Variants in OPRM1 observed in about 807,000 individuals in gnomAD.
OPRM1 encodes mu-type opioid receptor.
A neutral mutation model predicts 31.8 loss-of-function variants in OPRM1; 27 were observed. The ratio of observed to expected loss-of-function variants is 0.85; its 90% CI spans 0.63 to 1.17. OPRM1 has a LOEUF of 1.17. OPRM1 is among the 50% of genes most tolerant of loss of function. OPRM1 has a pLI of 0.00. For missense variants in OPRM1, 536 were observed against 511.1 expected (o/e 1.05, Z -0.47); for synonymous variants, 196 against 189.9 (o/e 1.03, Z -0.26).
In OPRM1 at chr6:154,028,511, G is replaced by A. The variant is rs981401360; in HGVS notation, c.1-10650G>A. Among the ~76,000 whole-genome samples, 4 of 152,160 alleles carry A rather than the reference G, an allele frequency of 2.6e-5. No individual in the cohort carries two copies. The East Asian group carries it at 7.7e-4, about 29-fold the overall frequency. The stretch of plus-strand genomic sequence containing the variant: ...CTATAGTCCACTGTCTACTGGCCAC[G>A]TTCAGCACTAGGACTTGCCTAAAAG... On this transcript the variant is annotated intron_variant, in intron 1 of 5. Transcript: ENST00000434900.
chr6:154,179,939 C>G (rs765846851), intron 3 of OPRM1, among the ~76,000 whole-genome samples: 44 of 152,074 alleles, frequency 2.9e-4, no homozygotes, highest in Admixed American at 1.5e-3. Context: ...TTAACAAGCT[C>G]CTAAGTGATG....
chr6:154,055,723 A>C (rs1783136192), intron 1 of OPRM1, among the ~76,000 whole-genome samples: 2 of 152,180 alleles, frequency 1.3e-5, no homozygotes, highest in African/African-American at 4.8e-5. Flanking sequence ...ATGTGAAGAA[A>C]ATTCTAAGGA....
chr6:154,199,928 T>C, intron 3 of OPRM1: 1 of 1,614,172 alleles, frequency 6.2e-7, no homozygotes, highest in Non-Finnish European at 8.5e-7. Flanking sequence ...TTGTCTCTCT[T>C]TAGATAAGGA....
At chr6:154,106,220 A>G (rs189491935) in intron 3 of OPRM1, among the ~76,000 whole-genome samples, 162 of 152,352 alleles carry the variant, frequency 1.1e-3, no homozygotes, top group African/African-American at 3.6e-3. Flanking sequence ...AACACATTTT[A>G]CTTTCTTTAC....
chr6:154,166,321 T>C (rs912281070), intron 3 of OPRM1, among the ~76,000 whole-genome samples: 1 of 152,162 alleles, frequency 6.6e-6, no homozygotes, highest in Non-Finnish European at 1.5e-5. Context: ...GCCGTAAAGA[T>C]CTAGAATCCT....
chr6:154,116,155 G>A (rs1314909016), intron 3 of OPRM1, among the ~76,000 whole-genome samples: 2 of 152,164 alleles, frequency 1.3e-5, no homozygotes, highest in African/African-American at 4.8e-5. Context: ...TCTTAAAAAT[G>A]CACTGGTCGT....
chr6:154,181,197 G>T (rs116832458), intron 3 of OPRM1, among the ~76,000 whole-genome samples: 419 of 152,140 alleles, frequency 2.8e-3, no homozygotes, highest in African/African-American at 9.7e-3. Context: ...AAAAAATCTG[G>T]ATAACTCATT....
At chr6:154,191,606 G>A (rs1295099432) in intron 3 of OPRM1, among the ~76,000 whole-genome samples, 1 of 151,708 alleles carries the variant, frequency 6.6e-6, no homozygotes, top group Non-Finnish European at 1.5e-5. Context: ...CCCAGGAGGT[G>A]GAGGTTGCAG....
At chr6:154,186,254 G>C (rs138903849) in intron 3 of OPRM1, among the ~76,000 whole-genome samples, 148 of 152,306 alleles carry the variant, frequency 9.7e-4, no homozygotes, top group Non-Finnish European at 1.7e-3. Flanking sequence ...ATATCTCCAA[G>C]TGTTAGGTCT....
intron 3 of OPRM1, among the ~76,000 whole-genome samples, chr6:154,178,049 A>G (rs1800500302): frequency 6.6e-6 from 1 of 152,012 alleles, no homozygotes; most frequent in Admixed American, 6.6e-5. Flanking sequence ...ACAGAAAATC[A>G]AACACTACAG....
chr6:154,089,780 A>C, intron 1 of OPRM1, 46 bp from the exon 2 acceptor site: 1 of 1,312,910 alleles, frequency 7.6e-7, no homozygotes, highest in South Asian at 1.3e-5. Context: ...TATATTTTAC[A>C]CTAGTGTCTT....
intron 1 of OPRM1, among the ~76,000 whole-genome samples, chr6:154,053,205 TCA>T (rs1782542176): frequency 6.6e-6 from 1 of 152,228 alleles, no homozygotes; most frequent in Non-Finnish European, 1.5e-5. Context: ...GCTAGGCTTG[TCA>T]CAGTATTTTC....
In OPRM1 at chr6:154,128,296, A is replaced by G. The variant is rs1329235760; in HGVS notation, c.*9575A>G. 2.6e-5 allele frequency among the ~76,000 whole-genome samples: 4 copies of G among 152,252 alleles called. No homozygotes were observed. Among genetic ancestry groups the G allele is most frequent in the Non-Finnish European group, 4.4e-5 (3 of 68,046 alleles). ...AAAGAATAAAATGAAGGTGGAGTTA[A>G]TTCTGACTACGGGATTCCTTTTTCA... On this transcript the variant is annotated 3_prime_UTR_variant, in exon 4 of 4. Transcript: ENST00000330432.
At chr6:154,068,715 T>C (rs1786002379) in intron 1 of OPRM1, among the ~76,000 whole-genome samples, 1 of 152,204 alleles carries the variant, frequency 6.6e-6, no homozygotes, top group Non-Finnish European at 1.5e-5. Flanking sequence ...CCTTTGGATA[T>C]ATATACCTAG....
intron 3 of OPRM1, among the ~76,000 whole-genome samples, chr6:154,167,233 T>C (rs1235983348): frequency 2.2e-4 from 34 of 152,254 alleles, no homozygotes; most frequent in Non-Finnish European, 7.3e-5. Context: ...GTTCATGTTA[T>C]AATCTAAATG....
intron 3 of OPRM1, among the ~76,000 whole-genome samples, chr6:154,223,460 G>A (rs1323940053): frequency 1.3e-5 from 2 of 152,174 alleles, no homozygotes; most frequent in Non-Finnish European, 2.9e-5. Flanking sequence ...TCCAAGAGAA[G>A]TGGCATGACA....
intron 1 of OPRM1, among the ~76,000 whole-genome samples, chr6:154,011,300 G>T (rs1385873573): frequency 6.6e-6 from 1 of 152,046 alleles, no homozygotes; most frequent in Non-Finnish European, 1.5e-5. Context: ...AAATTATTTC[G>T]GAGTTCCTAT....
At chr6:154,085,924 G>C (rs1045766575) in intron 1 of OPRM1, among the ~76,000 whole-genome samples, 5 of 128,430 alleles carry the variant, frequency 3.9e-5, no homozygotes, top group Non-Finnish European at 6.3e-5. Context: ...GTCTCTCTCT[G>C]TTGCTCAGGC....
intron 3 of OPRM1, among the ~76,000 whole-genome samples, chr6:154,151,996 G>A (rs530685199): frequency 6.6e-6 from 1 of 151,988 alleles, no homozygotes; most frequent in African/African-American, 2.4e-5. Flanking sequence ...GCAACATGGT[G>A]AAACCCTGTC....
Sources: gnomAD v4.1 joint callset for allele counts (sites outside exome capture counted in the v4.1 genomes callset) on GRCh38, gnomAD v4.1.1 for gene constraint, MANE v1.5 for transcripts, NCBI Gene and HGNC (gene_info 2026-07-23, HGNC 2026-07-21) for gene names.